LRRC8E: variants seen among roughly 807,000 people sequenced by gnomAD.
LRRC8E encodes leucine rich repeat containing 8 VRAC subunit E.
A neutral mutation model predicts 6.1 loss-of-function variants in LRRC8E; 6 were observed. That is an observed-to-expected ratio of 0.98 (90% CI 0.54 to 1.93). The LOEUF is 1.93. LRRC8E is among the 30% of genes most tolerant of loss of function. The pLI is 0.01. For synonymous variants in LRRC8E, 485 were observed against 472.8 expected, an observed-to-expected ratio of 1.03 and a Z score of -0.33; for missense variants, 1,028 against 1,031.4, an observed-to-expected ratio of 1.00 and a Z score of 0.04.
At chr19:7,897,854 G>A (rs1211933442) in intron 2 of LRRC8E, among the ~76,000 whole-genome samples, 2 of 151,928 alleles carry the variant, frequency 1.3e-5, no homozygotes, top group Non-Finnish European at 2.9e-5. Flanking sequence ...CTAAGGATTC[G>A]GAGTTGGGAC....
At chr19:7,890,477 A>T (rs977994342) in intron 1 of LRRC8E, among the ~76,000 whole-genome samples, 1 of 151,326 alleles carries the variant, frequency 6.6e-6, no homozygotes, top group Non-Finnish European at 1.5e-5. Flanking sequence ...TGCAACTTCC[A>T]CCTCCTGGGT....
chr19:7,892,791 C>A (rs1024778403), intron 1 of LRRC8E, among the ~76,000 whole-genome samples: 1 of 152,194 alleles, frequency 6.6e-6, no homozygotes, highest in Non-Finnish European at 1.5e-5. Context: ...GTGACCCAGG[C>A]AGACTGGGAT....
In LRRC8E at chr19:7,895,288, A is replaced by C. The variant is rs1036633389; in HGVS notation, c.-5-311A>C. ...CTCGTTTTGGGGAGGGGGCCACCCG[A>C]GGAGGCTGGAGGGCGGCGGCCCTGT... On this transcript the variant is annotated intron_variant, in intron 1 of 2. Coordinates refer to ENST00000306708, the MANE Select transcript of LRRC8E (RefSeq NM_025061.6). The surrounding 1 kb of genome is among the most constrained non-coding windows in gnomAD (Gnocchi z 4.7). 1.8e-5 allele frequency: 5 copies of C among 273,460 alleles called. No homozygotes were observed. Among genetic ancestry groups the C allele is most frequent in the Non-Finnish European group, 3.5e-5 (5 of 141,176 alleles). 16.9% of individuals were successfully genotyped at this position (273,460 alleles called of 1,614,324 possible).
chr19:7,892,877 T>A (rs1033036590), intron 1 of LRRC8E, among the ~76,000 whole-genome samples: 2 of 152,306 alleles, frequency 1.3e-5, no homozygotes, highest in African/African-American at 4.8e-5. Context: ...CAGGCTGGAA[T>A]GCAGTAGTGC....
chr19:7,899,580 T>C lies in LRRC8E; in HGVS notation c.1058T>C (p.Met353Thr), dbSNP rs1568267195. ...SFRSVREETG[M>T]GDIPDVKNDF... Reference sequence around the variant, plus strand: ...CGTTCCGTGCGGGAGGAGACTGGCATGGGGGACATTCCTGACGTCAAGAAT... The same window carrying C: ...CGTTCCGTGCGGGAGGAGACTGGCACGGGGGACATTCCTGACGTCAAGAAT... The change falls in exon 3 of 3, where the codon ATG becomes ACG. Residue 353 changes from methionine to threonine, a missense_variant. Met to Thr is a moderately conservative substitution (Grantham distance 81). Coordinates refer to ENST00000306708, the MANE Select transcript of LRRC8E (RefSeq NM_025061.6). 2 of 1,613,704 alleles carry C rather than the reference T, an allele frequency of 1.2e-6. No homozygotes were observed. Among genetic ancestry groups the C allele is most frequent in the East Asian group, 2.2e-5 (1 of 44,890 alleles).
intron 2 of LRRC8E, among the ~76,000 whole-genome samples, chr19:7,896,244 CT>C (rs935835512): frequency 1.4e-5 from 2 of 145,214 alleles, no homozygotes; most frequent in African/African-American, 2.5e-5. Flanking sequence ...CTGACCCTTT[CT>C]TTTTTTTTCT....
intron 1 of LRRC8E, among the ~76,000 whole-genome samples, chr19:7,890,515 C>T (rs1432205302): frequency 6.6e-6 from 1 of 152,050 alleles, no homozygotes; most frequent in Non-Finnish European, 1.5e-5. Context: ...TTCAGCCGGG[C>T]ACGGTGGCGC....
rs775095010 is a variant in LRRC8E, at chr19:7,899,660, C to T, written c.1138C>T (p.Arg380Cys). 5 of 1,613,734 alleles carry T rather than the reference C, an allele frequency of 3.1e-6. No individual in the cohort carries two copies. Among genetic ancestry groups the T allele is most frequent in the Admixed American group, 3.3e-5 (2 of 60,028 alleles). ...IDQYDSLYSK[R>C]FAVFLSEVSE... is the part of the protein sequence containing the mutation. ...TCAGTACGACTCCCTCTACTCCAAG[C>T]GCTTCGCCGTCTTCCTGTCCGAGGT... is the stretch of plus-strand genomic sequence containing the variant. Residue 380 changes from arginine (R) to cysteine (C), a missense_variant, in exon 3 of 3, where the codon CGC (arginine) becomes TGC (cysteine). Coordinates refer to ENST00000306708, the MANE Select transcript of LRRC8E (RefSeq NM_025061.6).
At position 7,898,765 on chromosome 19, in the gene LRRC8E, T is replaced by C. The variant is rs1417933353; in HGVS notation, c.243T>C (p.Ile81=). The change falls in exon 3 of 3, where the codon ATT becomes ATC. Residue 81 remains isoleucine, a synonymous_variant. Transcript: ENST00000306708. ...QLLPRGIPEQ[I]GALQEVKGLK... is the part of the protein sequence containing the mutation. ...TGCCTCGGGGGATCCCTGAGCAGAT[T>C]GGGGCCCTGCAGGAGGTTAAAGGCC... 2 of 1,614,082 alleles carry C rather than the reference T, an allele frequency of 1.2e-6. No homozygotes were observed. Among genetic ancestry groups the C allele is most frequent in the African/African-American group, 1.3e-5 (1 of 75,042 alleles).
intron 1 of LRRC8E, among the ~76,000 whole-genome samples, chr19:7,892,517 C>T (rs1353618567): frequency 2.0e-5 from 3 of 152,076 alleles, no homozygotes; most frequent in Non-Finnish European, 4.4e-5. Context: ...CTGGGGTCAG[C>T]ATTCTTAGGT....
intron 2 of LRRC8E, among the ~76,000 whole-genome samples, chr19:7,896,766 A>G (rs940206529): frequency 6.6e-6 from 1 of 151,592 alleles, no homozygotes; most frequent in Non-Finnish European, 1.5e-5. Flanking sequence ...GCTAATTTTT[A>G]AATTTCTTGT....
intron 1 of LRRC8E, among the ~76,000 whole-genome samples, chr19:7,889,986 C>T (rs529887605): frequency 1.2e-3 from 182 of 151,944 alleles, no homozygotes; most frequent in Non-Finnish European, 2.3e-3. Flanking sequence ...ACCTCGTGAT[C>T]CACCTGCCTC....
rs766016976 is a variant in LRRC8E, at chr19:7,900,306, A to G, written c.1784A>G (p.Glu595Gly). 4.3e-6 allele frequency: 7 copies of G among 1,613,302 alleles called. No homozygotes were observed. Among genetic ancestry groups the G allele is most frequent in the East Asian group, 2.2e-5 (1 of 44,874 alleles). The change falls in exon 3 of 3, where the codon GAG (glutamate) becomes GGG (glycine). Residue 595 changes from glutamate (E) to glycine (G), a missense_variant. By Grantham distance (98) the Glu-to-Gly change is moderately conservative (BLOSUM62 -2). Transcript: ENST00000306708. This position sits in a 1 kb window ranked among gnomAD's most constrained non-coding sequence, Gnocchi z 5.0. ...RELELVACGL[E>G]RIPHAVFSLG... ...CTGGAGCTGGTGGCCTGCGGGCTGGAGCGCATCCCCCATGCAGTGTTCAGC... is the reference window on the plus strand; with the variant it reads ...CTGGAGCTGGTGGCCTGCGGGCTGGGGCGCATCCCCCATGCAGTGTTCAGC...
intron 1 of LRRC8E, among the ~76,000 whole-genome samples, chr19:7,893,209 C>T (rs1981406803): frequency 6.6e-6 from 1 of 152,000 alleles, no homozygotes; most frequent in Non-Finnish European, 1.5e-5. Context: ...GGTTTCATCA[C>T]GTTGGCCAGG....
chr19:7,897,441 G>A (rs1981655551), intron 2 of LRRC8E, among the ~76,000 whole-genome samples: 1 of 150,198 alleles, frequency 6.7e-6, no homozygotes, highest in Non-Finnish European at 1.5e-5. Context: ...GTCTCCCAAA[G>A]TGCTGGGATT....
Position 7,895,628 on chromosome 19 carries a change from C to T in LRRC8E, c.25C>T (p.Gln9Ter). 2 of 1,613,832 alleles carry T rather than the reference C, an allele frequency of 1.2e-6. No individual in the cohort carries two copies. Among genetic ancestry groups the T allele is most frequent in the Non-Finnish European group, 1.7e-6 (2 of 1,179,732 alleles). ...CATGATCCCAGTGGCCGAGTTCAAG[C>T]AGTTCACGGAACAGCAGCCTGCGTT... The part of the protein sequence containing the change: MIPVAEFK[Q>*]FTEQQPAFKV... The change falls in exon 2 of 3, where the codon CAG becomes TAG. Residue 9 changes from glutamine to a stop codon, truncating the protein, a stop_gained. Transcript: ENST00000306708. LOFTEE classifies it high-confidence loss of function. The surrounding 1 kb of genome is among the most constrained non-coding windows in gnomAD (Gnocchi z 4.7).
At position 7,899,252 on chromosome 19, in the gene LRRC8E, C is replaced by A. The variant is rs1307213636; in HGVS notation, c.730C>A (p.His244Asn). Residue 244 changes from histidine (H) to asparagine (N), a missense_variant, in exon 3 of 3, where the codon CAC (histidine) becomes AAC (asparagine). Physicochemically the swap from His to Asn is moderately conservative, Grantham distance 68. Transcript: ENST00000306708. ...LFEKVKKFRM[H>N]VEEGDILYTM... ...TGAGAAGGTGAAGAAGTTCCGCATG[C>A]ACGTGGAAGAGGGCGACATCCTGTA... The A allele has an allele frequency of 6.2e-7, 1 of 1,614,194 alleles. No individual in the cohort carries two copies. Among genetic ancestry groups the A allele is most frequent in the Admixed American group, 1.7e-5 (1 of 60,020 alleles).
In LRRC8E at chr19:7,900,511, C is replaced by T. The variant is rs761719673; in HGVS notation, c.1989C>T (p.Asn663=). 1 of 1,613,044 alleles carries T rather than the reference C, an allele frequency of 6.2e-7. No homozygotes were observed. The highest frequency in any genetic ancestry group is 2.2e-5 in the East Asian group (1 of 44,882). Residue 663 remains asparagine, a synonymous_variant, in exon 3 of 3, where the codon AAC becomes AAT. Transcript: ENST00000306708. The surrounding 1 kb of genome is among the most constrained non-coding windows in gnomAD (Gnocchi z 5.0). The part of the protein sequence containing the change: ...RSLEQLYLSY[N]KLETLPSQLG... ...TGGAGCAGCTCTACCTCAGCTACAA[C>T]AAGCTGGAGACCCTGCCCTCCCAGC...
At chr19:7,896,785 G>A (rs1057483171) in intron 2 of LRRC8E, among the ~76,000 whole-genome samples, 1 of 151,832 alleles carries the variant, frequency 6.6e-6, no homozygotes, top group Admixed American at 6.6e-5. Context: ...GTTGACACAG[G>A]GGTCTTGCTA....
Sources: gnomAD v4.1 joint callset for allele counts (sites outside exome capture counted in the v4.1 genomes callset) on GRCh38, gnomAD v4.1.1 for gene constraint, Gnocchi (gnomAD v3.1) non-coding constraint, MANE v1.5 for transcripts, NCBI Gene and HGNC (gene_info 2026-07-23, HGNC 2026-07-21) for gene names.